Variants in OC90 observed in about 807,000 individuals in gnomAD.
OC90 encodes the protein otoconin-90.
Under a neutral mutation model 47.3 loss-of-function variants are expected in OC90, and 46 were observed. The ratio of observed to expected loss-of-function variants is 0.97; its 90% confidence interval spans 0.77 to 1.24. The LOEUF is 1.24. Among genes scored for constraint, OC90 ranks in the 50% most tolerant of loss-of-function variants. OC90 has a pLI of 0.00. For synonymous variants in OC90, 271 were observed against 219.5 expected (o/e 1.23, Z -2.07); for missense variants, 688 against 583.9 (o/e 1.18, Z -1.84).
chr8:132,045,887 TA>T lies in OC90; in HGVS notation c.47-5del. The stretch of plus-strand genomic sequence containing the variant: ...GGAGTGTCCAGAGGATGGCCTCCTA[TA>T]AATAAGGAAGAGAAAGTAGGGTAAG... On this transcript the variant is annotated splice_region_variant and splice_polypyrimidine_tract_variant and intron_variant, in intron 2 of 13. Coordinates refer to ENST00000254627, the MANE Select transcript of OC90 (RefSeq NM_001080399.3). The T allele has an allele frequency of 6.5e-7, 1 of 1,527,924 alleles. No individual in the cohort carries two copies. Among genetic ancestry groups the T allele is most frequent in the South Asian group, 1.2e-5 (1 of 83,538 alleles). The allele number at this position is 1,527,924 out of a possible 1,614,324, so 94.6% of individuals were successfully genotyped here.
chr8:132,037,679 G>A lies in OC90; in HGVS notation c.629-191C>T, dbSNP rs1822990740. On this transcript the variant is annotated intron_variant, in intron 8 of 13. Coordinates refer to ENST00000254627, the MANE Select transcript of OC90 (RefSeq NM_001080399.3). ...CCTGTTACTCCTCCCAGAGCACGGA[G>A]TGCCCTGCAAGATCCCAGCTCAGGA... Among the ~76,000 whole-genome samples the A allele has an allele frequency of 2.0e-5, 3 of 152,202 alleles. No homozygotes were observed. The South Asian group carries it at 6.2e-4, about 31-fold the overall frequency.
chr8:132,051,899 AT>A (rs1563734976), intron 2 of OC90, among the ~76,000 whole-genome samples: 2 of 152,270 alleles, frequency 1.3e-5, no homozygotes, highest in South Asian at 4.2e-4. Flanking sequence ...TTTTTCAAAA[AT>A]TTTTTTTGAA....
At chr8:132,051,324 A>G (rs554753839) in intron 2 of OC90, among the ~76,000 whole-genome samples, 1 of 152,242 alleles carries the variant, frequency 6.6e-6, no homozygotes, top group Admixed American at 6.5e-5. Context: ...AGCATCCTTC[A>G]CTCACCTATC....
Position 132,041,046 on chromosome 8 carries a change from C to T in OC90, c.455G>A (p.Cys152Tyr). The T allele has an allele frequency of 6.4e-7, 1 of 1,568,534 alleles. No individual in the cohort carries two copies. Among genetic ancestry groups the T allele is most frequent in the Non-Finnish European group, 8.8e-7 (1 of 1,138,404 alleles). The stretch of plus-strand genomic sequence containing the variant: ...CTGGGACACCTGGAGATGCTTACCA[C>T]ATATGATCTTCTTGCTGACACAATT... ...EVNCVSKKII[C>Y]ESKDNCEHLL... is the part of the protein sequence containing the mutation. The change falls in exon 6 of 14, where the codon TGT becomes TAT. Residue 152 changes from cysteine to tyrosine, a missense_variant and splice_region_variant. Coordinates refer to ENST00000254627, the MANE Select transcript of OC90 (RefSeq NM_001080399.3).
At position 132,053,709 on chromosome 8, in the gene OC90, T is replaced by C. The variant is rs1050591552; in HGVS notation, c.46+1272A>G. 9.2e-5 allele frequency among the ~76,000 whole-genome samples: 14 copies of C among 152,242 alleles called. 1 individual carries two copies. The East Asian group carries it at 2.5e-3, about 27-fold the overall frequency. On this transcript the variant is annotated intron_variant, in intron 2 of 13. Transcript: ENST00000254627. ...TGGGAGCCAACACATGGTGGTGTGA[T>C]GTGGGGGCTGCAGCATGAGCTTCAG...
chr8:132,055,351 C>A (rs899756376), intron 1 of OC90, among the ~76,000 whole-genome samples: 1 of 152,166 alleles, frequency 6.6e-6, no homozygotes, highest in African/African-American at 2.4e-5. Context: ...CTGATTGATT[C>A]CATGGTCATT....
intron 2 of OC90, among the ~76,000 whole-genome samples, 183 bp downstream of exon 2, chr8:132,054,798 A>C (rs990163939): frequency 6.6e-6 from 1 of 152,200 alleles, no homozygotes; most frequent in Non-Finnish European, 1.5e-5. Flanking sequence ...CTAATAAAAG[A>C]GGGAAGAAAT....
chr8:132,053,495 A>G (rs1170584686), intron 2 of OC90, among the ~76,000 whole-genome samples: 1 of 152,238 alleles, frequency 6.6e-6, no homozygotes, highest in Non-Finnish European at 1.5e-5. Flanking sequence ...ACAAACTTGA[A>G]GCAAACTTAG....
chr8:132,028,608 AGG>A (rs879821657), intron 13 of OC90, among the ~76,000 whole-genome samples: 34,751 of 108,016 alleles, frequency 0.32, 5,871 homozygotes, highest in South Asian at 0.4. Context: ...GGAGGGAAGG[AGG>A]GAAGGAGGAA....
intron 2 of OC90, among the ~76,000 whole-genome samples, chr8:132,046,773 A>C (rs1157730264): frequency 1.3e-5 from 2 of 152,216 alleles, no homozygotes; most frequent in Non-Finnish European, 2.9e-5. Context: ...TGGAGTCAGC[A>C]CTGTCCATCT....
chr8:132,039,848 C>G (rs891001778), intron 6 of OC90, among the ~76,000 whole-genome samples: 2 of 152,136 alleles, frequency 1.3e-5, no homozygotes, highest in African/African-American at 4.8e-5. Flanking sequence ...CTCATCATCT[C>G]CAGGAGGCTT....
At chr8:132,052,062 G>A (rs1823218673) in intron 2 of OC90, among the ~76,000 whole-genome samples, 1 of 152,082 alleles carries the variant, frequency 6.6e-6, no homozygotes, top group African/African-American at 2.4e-5. Context: ...GCGTGGGACG[G>A]CTGGTGCTCC....
chr8:132,034,691 A>G, intron 10 of OC90, 90 bp downstream of exon 10: 1 of 896,576 alleles, frequency 1.1e-6, no homozygotes, highest in East Asian at 2.7e-5. Flanking sequence ...GGTGCATTTC[A>G]TTTGGAACCC....
At position 132,049,888 on chromosome 8, in the gene OC90, T is replaced by A. The variant is rs779802509; in HGVS notation, c.47-4005A>T. 7.9e-6 allele frequency: 4 copies of A among 505,172 alleles called. No homozygotes were observed. The East Asian group carries it at 1.7e-4, about 21-fold the overall frequency. 31.3% of individuals were successfully genotyped at this position (505,172 alleles called of 1,614,324 possible). A position where few individuals can be genotyped will look rare whatever the true frequency, so the allele number is the denominator to read the frequency against. On this transcript the variant is annotated intron_variant, in intron 2 of 13. Coordinates refer to ENST00000254627, the MANE Select transcript of OC90 (RefSeq NM_001080399.3). ...CTGCCATCTTTGGACTGCTAAGACGTGTGCCAATTCCATTATTTTGAACTA... is the reference window on the plus strand; with the variant it reads ...CTGCCATCTTTGGACTGCTAAGACGAGTGCCAATTCCATTATTTTGAACTA...
intron 2 of OC90, among the ~76,000 whole-genome samples, chr8:132,049,110 G>A (rs1397041316): frequency 6.7e-6 from 1 of 149,870 alleles, no homozygotes; most frequent in Non-Finnish European, 1.5e-5. Context: ...AAAGGGAACA[G>A]TGAACATAAG....
At chr8:132,056,873 C>A (rs1030929855) in intron 1 of OC90, among the ~76,000 whole-genome samples, 5 of 152,136 alleles carry the variant, frequency 3.3e-5, no homozygotes, top group Non-Finnish European at 5.9e-5. Context: ...TTTATTGTGA[C>A]CATCACACCA....
In OC90 at chr8:132,043,857, G is replaced by A. The variant is rs142263712; in HGVS notation, c.169+576C>T. ...CACAGCCTTATGCCCAGCATGGCCCGACCCAAAAGTAATTCTGAGTGTCTT... is the reference window on the plus strand; with the variant it reads ...CACAGCCTTATGCCCAGCATGGCCCAACCCAAAAGTAATTCTGAGTGTCTT... On this transcript the variant is annotated intron_variant, in intron 4 of 13. Coordinates refer to ENST00000254627, the MANE Select transcript of OC90 (RefSeq NM_001080399.3). Among the ~76,000 whole-genome samples the A allele has an allele frequency of 1.7e-3, 260 of 152,292 alleles. 2 individuals carry two copies. The highest frequency in any genetic ancestry group is 2.5e-3 in the Non-Finnish European group (173 of 68,024).
intron 6 of OC90, among the ~76,000 whole-genome samples, chr8:132,040,093 T>A (rs763629067): frequency 1.3e-5 from 2 of 152,198 alleles, no homozygotes; most frequent in South Asian, 2.1e-4. Flanking sequence ...GATGAATGAA[T>A]CATGTTTTCT....
intron 6 of OC90, 98 bp downstream of exon 6, chr8:132,040,946 A>T (rs536621251): frequency 7.6e-5 from 58 of 762,730 alleles, no homozygotes; most frequent in Middle Eastern, 2.6e-4. Flanking sequence ...GGTGACGATG[A>T]TGTGAGAGGA....
Sources: gnomAD v4.1 joint callset for allele counts (sites outside exome capture counted in the v4.1 genomes callset) on GRCh38, gnomAD v4.1.1 for gene constraint, MANE v1.5 for transcripts, NCBI Gene and HGNC (gene_info 2026-07-23, HGNC 2026-07-21) for gene names.